SV2C: variants seen among roughly 807,000 people sequenced by gnomAD.
The protein encoded by SV2C is solute carrier family 22 member B3.
Under a neutral mutation model 79.7 loss-of-function variants are expected in SV2C, and 49 were observed. That is an observed-to-expected ratio of 0.61 (90% CI 0.49 to 0.78). The LOEUF is 0.78. Ranked by LOEUF, SV2C falls within the 30% of genes least tolerant of loss-of-function variation. The probability of loss-of-function intolerance (pLI) is 0.00; values close to 1 mark genes in which losing one functional copy is unlikely to be tolerated. For missense variants in SV2C, 833 were observed against 912.9 expected, an observed-to-expected ratio of 0.91 and a Z score of 1.13; for synonymous variants, 334 against 333.2, an observed-to-expected ratio of 1.00 and a Z score of -0.03.
intron 4 of SV2C, among the ~76,000 whole-genome samples, chr5:76,265,306 C>T (rs527272609): frequency 2.0e-5 from 3 of 152,278 alleles, no homozygotes; most frequent in African/African-American, 7.2e-5. Context: ...CTGCCCCCCA[C>T]CAAGCTCGAG....
At chr5:76,254,355 C>T (rs137905346) in intron 4 of SV2C, among the ~76,000 whole-genome samples, 3 of 151,910 alleles carry the variant, frequency 2.0e-5, no homozygotes, top group African/African-American at 7.2e-5. Context: ...TATTTGCATC[C>T]CTACTTTTCC....
At chr5:76,162,901 A>G (rs1287222563) in intron 2 of SV2C, among the ~76,000 whole-genome samples, 4 of 152,228 alleles carry the variant, frequency 2.6e-5, no homozygotes, top group East Asian at 1.9e-4. Context: ...AGGACTTCTC[A>G]GTTATTAACA....
chr5:75,950,875 T>C, the SV2C span, among the ~76,000 whole-genome samples: 3 of 152,064 alleles, frequency 2.0e-5, no homozygotes, highest in Non-Finnish European at 4.4e-5. Context: ...TATATTTAGA[T>C]ACATAAGCTT....
the SV2C span, among the ~76,000 whole-genome samples, chr5:76,030,031 T>C: frequency 6.6e-6 from 1 of 152,176 alleles, no homozygotes; most frequent in African/African-American, 2.4e-5. Flanking sequence ...CCCCGGTTTC[T>C]ATGGTGGGTA....
chr5:76,239,958 G>C (rs1461287258), intron 4 of SV2C, among the ~76,000 whole-genome samples: 1 of 152,178 alleles, frequency 6.6e-6, no homozygotes, highest in Non-Finnish European at 1.5e-5. Context: ...TTTTGTGTTG[G>C]AAAGAAGTCA....
intron 2 of SV2C, 150 bp downstream of exon 2, chr5:76,132,480 A>G: frequency 2.7e-6 from 2 of 739,034 alleles, no homozygotes; most frequent in Non-Finnish European, 4.2e-6. Context: ...ATACAAAAGA[A>G]TCAAAATAAT....
At chr5:75,934,331 G>A in the SV2C span, among the ~76,000 whole-genome samples, 1 of 112,630 alleles carries the variant, frequency 8.9e-6, no homozygotes, top group African/African-American at 4.5e-5. Context: ...ACTGTCGCTG[G>A]GCTGGAGTGC....
chr5:76,318,005 A>G (rs568135916), intron 12 of SV2C, among the ~76,000 whole-genome samples: 1 of 152,232 alleles, frequency 6.6e-6, no homozygotes, highest in Admixed American at 6.5e-5. Context: ...CTCAAAAAAA[A>G]CCCATATCTG....
intron 4 of SV2C, among the ~76,000 whole-genome samples, chr5:76,229,909 A>G (rs1199019903): frequency 1.3e-5 from 2 of 152,218 alleles, no homozygotes; most frequent in Non-Finnish European, 2.9e-5. Context: ...TTGTCAAAAT[A>G]TGTAAATATA....
chr5:75,975,653 A>G, the SV2C span, among the ~76,000 whole-genome samples: 2 of 152,146 alleles, frequency 1.3e-5, no homozygotes, highest in African/African-American at 4.8e-5. Context: ...CAGGAAGGAC[A>G]TTCTGGTTTC....
At chr5:76,079,716 C>G (rs1052653464), upstream of SV2C, 15 of 285,478 alleles carry the variant, frequency 5.3e-5, no homozygotes, top group Non-Finnish European at 1.1e-4. Flanking sequence ...TATGTCCCTT[C>G]AAACTTCGAA....
At chr5:76,303,711 TC>T (rs1387511585) in intron 12 of SV2C, among the ~76,000 whole-genome samples, 2 of 152,186 alleles carry the variant, frequency 1.3e-5, no homozygotes, top group African/African-American at 4.8e-5. Context: ...CTACGGTGTT[TC>T]TGTTGTCAGA....
chr5:76,189,151 G>A (rs1580341668), intron 2 of SV2C, among the ~76,000 whole-genome samples: 1 of 151,986 alleles, frequency 6.6e-6, no homozygotes, highest in African/African-American at 2.4e-5. Context: ...AGGGAGACTA[G>A]AGCTAGTCCA....
intron 3 of SV2C, among the ~76,000 whole-genome samples, chr5:76,202,675 A>C (rs920108165): frequency 3.3e-5 from 5 of 152,254 alleles, no homozygotes; most frequent in African/African-American, 1.2e-4. Context: ...AAAATAATAT[A>C]AAACCCAAAT....
intron 4 of SV2C, among the ~76,000 whole-genome samples, chr5:76,273,921 C>T (rs1028723482): frequency 1.3e-5 from 2 of 152,142 alleles, no homozygotes; most frequent in African/African-American, 4.8e-5. Context: ...GGCCACAGCC[C>T]CAAGGGTCCA....
chr5:75,894,953 T>C, the SV2C span, among the ~76,000 whole-genome samples: 1 of 152,062 alleles, frequency 6.6e-6, no homozygotes, highest in Non-Finnish European at 1.5e-5. Flanking sequence ...TGACGGAGTG[T>C]TGAAGGCCTC....
At chr5:76,127,690 C>A (rs149063818) in intron 1 of SV2C, among the ~76,000 whole-genome samples, 57 of 152,316 alleles carry the variant, frequency 3.7e-4, no homozygotes, top group African/African-American at 1.2e-3. Flanking sequence ...AGAGGATTGC[C>A]TTCAGGCTAG....
the SV2C span, among the ~76,000 whole-genome samples, chr5:76,029,194 A>G: frequency 6.6e-6 from 1 of 152,234 alleles, no homozygotes; most frequent in African/African-American, 2.4e-5. Context: ...ATAACTAACT[A>G]ACATATGCAC....
At chr5:76,188,251 A>AC (rs1173681848) in intron 2 of SV2C, among the ~76,000 whole-genome samples, 1 of 152,052 alleles carries the variant, frequency 6.6e-6, no homozygotes, top group Non-Finnish European at 1.5e-5. Context: ...ACAGAGTGAG[A>AC]CCCCCTCTCA....
Sources: gnomAD v4.1 joint callset for allele counts (sites outside exome capture counted in the v4.1 genomes callset) on GRCh38, gnomAD v4.1.1 for gene constraint, MANE v1.5 for transcripts, NCBI Gene and HGNC (gene_info 2026-07-23, HGNC 2026-07-21) for gene names.